CFAP20DC: variants seen among roughly 807,000 people sequenced by gnomAD.
CFAP20DC encodes CFAP20 domain containing, also known as protein CFAP20DC.
CFAP20DC carries 84 observed loss-of-function variants against 101.7 expected under a neutral mutation model. The ratio of observed to expected loss-of-function variants is 0.83; its 90% CI spans 0.69 to 0.99. The LOEUF is 0.99. CFAP20DC is among the 50% of genes least tolerant of loss of function. CFAP20DC has a pLI of 0.00. For synonymous variants in CFAP20DC, 359 were observed against 351.2 expected, an observed-to-expected ratio of 1.02 and a Z score of -0.25; for missense variants, 1,007 against 970.3, an observed-to-expected ratio of 1.04 and a Z score of -0.50.
intron 7 of CFAP20DC, among the ~76,000 whole-genome samples, chr3:58,883,618 G>A (rs2081382552): frequency 6.6e-6 from 1 of 152,004 alleles, no homozygotes; most frequent in Non-Finnish European, 1.5e-5. Context: ...ATACTTTCAA[G>A]ATCTACTTCT....
chr3:58,741,293 T>A (rs563054611), downstream of CFAP20DC, among the ~76,000 whole-genome samples: 1 of 152,240 alleles, frequency 6.6e-6, no homozygotes, highest in East Asian at 1.9e-4. Context: ...CAGAAGCACA[T>A]GACTTTTTCC....
In CFAP20DC at chr3:58,795,530, T is replaced by C. The variant is rs998630011; in HGVS notation, c.2237+10865A>G. 3.2e-4 allele frequency among the ~76,000 whole-genome samples: 48 copies of C among 151,870 alleles called. No homozygotes were observed. The highest frequency in any genetic ancestry group is 6.8e-4 in the Non-Finnish European group (46 of 67,984). ...GTCTCGGCTACATGGGAAGCTGGAG[T>C]GGGAGAGTTACCTGAGCCCGGGAGG... On this transcript the variant is annotated intron_variant, in intron 15 of 16. Transcript: ENST00000482387. This position sits in a 1 kb window ranked among gnomAD's most constrained non-coding sequence, Gnocchi z 4.2.
chr3:58,851,929 T>G (rs908690347), intron 12 of CFAP20DC, among the ~76,000 whole-genome samples: 1 of 152,134 alleles, frequency 6.6e-6, no homozygotes, highest in African/African-American at 2.4e-5. Flanking sequence ...GTGGGGAAGC[T>G]TTTGTGGGTG....
At chr3:58,926,362 T>C (rs1362385856) in intron 5 of CFAP20DC, among the ~76,000 whole-genome samples, 1 of 150,096 alleles carries the variant, frequency 6.7e-6, no homozygotes, top group African/African-American at 2.5e-5. Flanking sequence ...TGCGTGAGAC[T>C]CCATTAAAAA....
chr3:58,909,497 C>G (rs1452320123), intron 6 of CFAP20DC, among the ~76,000 whole-genome samples: 1 of 152,016 alleles, frequency 6.6e-6, no homozygotes, highest in African/African-American at 2.4e-5. Flanking sequence ...ACTACAACAC[C>G]ACAATCAATT....
At chr3:58,933,983 G>T (rs1483188610) in intron 5 of CFAP20DC, among the ~76,000 whole-genome samples, 10 of 152,064 alleles carry the variant, frequency 6.6e-5, no homozygotes, top group Non-Finnish European at 1.2e-4. Flanking sequence ...GAATCCAGGA[G>T]CTGGTTTTTT....
chr3:58,958,711 T>C (rs1311614450), intron 4 of CFAP20DC, among the ~76,000 whole-genome samples: 2 of 152,236 alleles, frequency 1.3e-5, no homozygotes, highest in Non-Finnish European at 2.9e-5. Flanking sequence ...TGATACATAG[T>C]ATTGAAAATA....
At chr3:58,963,241 T>TGTGTGTGTGTGTGTGTGTG (rs1559906974) in intron 4 of CFAP20DC, among the ~76,000 whole-genome samples, 3 of 149,300 alleles carry the variant, frequency 2.0e-5, no homozygotes, top group Non-Finnish European at 3.0e-5. Context: ...TGTGTGTGTG[T>TGTGTGTGTGTGTGTGTGTG]TTTAATAAAT....
rs973032765 is a variant in CFAP20DC, at chr3:58,827,512, G to A, written c.2175+4174C>T. ...GAAGGCACTAAGAGGAGGTTATCTT[G>A]CTAAAGGAGAGACTCCCCACTGTCC... On this transcript the variant is annotated intron_variant, in intron 14 of 16. Coordinates refer to ENST00000482387, the MANE Select transcript of CFAP20DC (RefSeq NM_001394063.1). Among the ~76,000 whole-genome samples, 7 of 152,206 alleles carry A rather than the reference G, an allele frequency of 4.6e-5. No individual in the cohort carries two copies. In the South Asian group the frequency reaches 1.2e-3, roughly 27 times the overall value.
At chr3:58,976,679 G>C (rs1463673623) in intron 4 of CFAP20DC, among the ~76,000 whole-genome samples, 1 of 152,094 alleles carries the variant, frequency 6.6e-6, no homozygotes, top group South Asian at 2.1e-4. Flanking sequence ...ATTCCCAGCT[G>C]GGGCCCCTGT....
intron 6 of CFAP20DC, among the ~76,000 whole-genome samples, chr3:58,901,811 T>C (rs879376241): frequency 6.6e-6 from 1 of 152,198 alleles, no homozygotes; most frequent in Non-Finnish European, 1.5e-5. Context: ...AACTATTCAA[T>C]GGGACTTAGT....
At chr3:58,768,085 C>G (rs1339828218) in intron 15 of CFAP20DC, among the ~76,000 whole-genome samples, 1 of 152,196 alleles carries the variant, frequency 6.6e-6, no homozygotes, top group Non-Finnish European at 1.5e-5. Flanking sequence ...CCTCCTCCCC[C>G]TTCTCCTTGG....
At chr3:58,850,649 A>G (rs900468703) in intron 12 of CFAP20DC, among the ~76,000 whole-genome samples, 1 of 151,974 alleles carries the variant, frequency 6.6e-6, no homozygotes, top group Non-Finnish European at 1.5e-5. Flanking sequence ...AACAAAATAT[A>G]TAATAAATGG....
intron 15 of CFAP20DC, among the ~76,000 whole-genome samples, chr3:58,758,153 T>G (rs1444691298): frequency 6.6e-6 from 1 of 152,186 alleles, no homozygotes; most frequent in Non-Finnish European, 1.5e-5. Context: ...GTTTGTTTGT[T>G]TTGTTTTTTA....
chr3:59,021,501 A>G (rs967502798), intron 4 of CFAP20DC, among the ~76,000 whole-genome samples: 1 of 152,214 alleles, frequency 6.6e-6, no homozygotes. Context: ...CACCCTGCCT[A>G]CACTGCCTTC....
At chr3:58,731,631 T>A (rs971997648) in intron 3 of CFAP20DC, among the ~76,000 whole-genome samples, 10 of 152,260 alleles carry the variant, frequency 6.6e-5, no homozygotes, top group African/African-American at 2.4e-4. Flanking sequence ...AGAAGAATGC[T>A]GCTAATATGC....
At chr3:58,822,232 A>T (rs1208663919) in intron 14 of CFAP20DC, among the ~76,000 whole-genome samples, 1 of 151,288 alleles carries the variant, frequency 6.6e-6, no homozygotes, top group Non-Finnish European at 1.5e-5. Flanking sequence ...TCAGCATGGC[A>T]CATGTATACA....
intron 15 of CFAP20DC, among the ~76,000 whole-genome samples, chr3:58,787,561 A>G (rs2072467925): frequency 6.6e-6 from 1 of 152,182 alleles, no homozygotes; most frequent in Non-Finnish European, 1.5e-5. Flanking sequence ...AATTAGTTCA[A>G]CCATGGTGGA....
intron 4 of CFAP20DC, among the ~76,000 whole-genome samples, chr3:58,999,016 C>G (rs1356666933): frequency 6.6e-6 from 1 of 152,238 alleles, no homozygotes; most frequent in African/African-American, 2.4e-5. Context: ...ATCATCTTCA[C>G]TGATGAGGAC....
Sources: gnomAD v4.1 joint callset for allele counts (sites outside exome capture counted in the v4.1 genomes callset) on GRCh38, gnomAD v4.1.1 for gene constraint, Gnocchi (gnomAD v3.1) non-coding constraint, MANE v1.5 for transcripts, NCBI Gene and HGNC (gene_info 2026-07-23, HGNC 2026-07-21) for gene names.